The following SUZ12 variants were observed in gnomAD, a reference collection of about 807,000 sequenced individuals.
SUZ12 encodes SUZ12 polycomb repressive complex 2 subunit, also known as polycomb protein SUZ12.
Under a neutral mutation model 87.3 loss-of-function variants are expected in SUZ12, and 17 were observed. The ratio of observed to expected loss-of-function variants is 0.19; its 90% confidence interval spans 0.13 to 0.29. SUZ12 has a LOEUF of 0.29. Ranked by LOEUF, SUZ12 falls within the 10% of genes least tolerant of loss-of-function variation. SUZ12 has a pLI of 1.00. For missense variants in SUZ12, 526 were observed against 912.2 expected, an observed-to-expected ratio of 0.58 and a Z score of 5.45; for synonymous variants, 253 against 312.4, an observed-to-expected ratio of 0.81 and a Z score of 2.01.
intron 8 of SUZ12, among the ~76,000 whole-genome samples, 179 bp from the exon 9 acceptor site, chr17:31,982,820 A>G (rs1162776476): frequency 6.6e-6 from 1 of 152,232 alleles, no homozygotes; most frequent in Non-Finnish European, 1.5e-5. Flanking sequence ...TTTTTAGTGT[A>G]CATCATTAAA....
At chr17:31,968,005 T>A (rs1305408968) in intron 5 of SUZ12, among the ~76,000 whole-genome samples, 1 of 152,026 alleles carries the variant, frequency 6.6e-6, no homozygotes, top group Non-Finnish European at 1.5e-5. Flanking sequence ...AAAAAAAGAT[T>A]AACTGGGCAC....
chr17:31,949,234 A>G (rs187439025), intron 4 of SUZ12, among the ~76,000 whole-genome samples: 201 of 152,270 alleles, frequency 1.3e-3, no homozygotes, highest in Middle Eastern at 3.4e-3. Flanking sequence ...ATACTGTTCA[A>G]TTCTCTCTGA....
intron 5 of SUZ12, among the ~76,000 whole-genome samples, chr17:31,971,298 A>G (rs953511022): frequency 2.6e-5 from 4 of 152,186 alleles, no homozygotes; most frequent in Non-Finnish European, 4.4e-5. Flanking sequence ...CTGTGCATTC[A>G]TAATGAAACA....
chr17:31,940,126 A>C (rs1433222722), intron 1 of SUZ12, among the ~76,000 whole-genome samples, 160 bp from the exon 2 acceptor site: 4 of 152,026 alleles, frequency 2.6e-5, no homozygotes, highest in African/African-American at 4.8e-5. Flanking sequence ...TTTTGATCTT[A>C]CTGTGCATAC....
chr17:31,941,013 G>GAA (rs796817018), intron 3 of SUZ12, among the ~76,000 whole-genome samples: 1 of 144,006 alleles, frequency 6.9e-6, no homozygotes, highest in African/African-American at 2.5e-5. Flanking sequence ...CTACCTCAAA[G>GAA]AAAAAAAAAA....
At chr17:31,939,824 C>A (rs1247876193) in intron 1 of SUZ12, among the ~76,000 whole-genome samples, 1 of 152,136 alleles carries the variant, frequency 6.6e-6, no homozygotes, top group Non-Finnish European at 1.5e-5. Context: ...CTGCGCCTGG[C>A]CGGCTGACTA....
intron 6 of SUZ12, among the ~76,000 whole-genome samples, chr17:31,973,742 C>A (rs1908574884): frequency 6.6e-6 from 1 of 152,098 alleles, no homozygotes; most frequent in Non-Finnish European, 1.5e-5. Context: ...TCCTGGTCAA[C>A]CGATCAAAGC....
Position 31,999,431 on chromosome 17 carries a change from C to G in SUZ12, c.*428C>G. The G allele has an allele frequency of 4.3e-6, 1 of 231,844 alleles. No individual in the cohort carries two copies. The highest frequency in any genetic ancestry group is 6.2e-5 in the East Asian group (1 of 16,238). 14.4% of individuals were successfully genotyped at this position (231,844 alleles called of 1,614,324 possible). A position where few individuals can be genotyped will look rare whatever the true frequency, so the allele number is the denominator to read the frequency against. On this transcript the variant is annotated 3_prime_UTR_variant, in exon 16 of 16. Coordinates refer to ENST00000322652, the MANE Select transcript of SUZ12 (RefSeq NM_015355.4). ...CTTTTTTAGAAATTGAAGTGGTCTT[C>G]ATATGTCAACTACAGAAAAGGAAAA...
At chr17:31,971,820 A>G (rs1908448684) in intron 5 of SUZ12, among the ~76,000 whole-genome samples, 1 of 152,150 alleles carries the variant, frequency 6.6e-6, no homozygotes, top group South Asian at 2.1e-4. Flanking sequence ...ATTATCATAA[A>G]TGTTAAATCT....
chr17:31,981,954 G>A lies in SUZ12; in HGVS notation c.918-1045G>A, dbSNP rs139604877. ...AAATGTCAGCTGTTTTTACCTAATA[G>A]AATTTCTCTAAGAGTGATGAAGAGA... On this transcript the variant is annotated intron_variant, in intron 8 of 15. Transcript: ENST00000322652. 2.6e-5 allele frequency among the ~76,000 whole-genome samples: 4 copies of A among 152,244 alleles called. No individual in the cohort carries two copies. The East Asian group carries it at 7.7e-4, about 29-fold the overall frequency.
intron 6 of SUZ12, among the ~76,000 whole-genome samples, chr17:31,974,900 A>G (rs1908653576): frequency 6.6e-6 from 1 of 152,168 alleles, no homozygotes; most frequent in Non-Finnish European, 1.5e-5. Flanking sequence ...ATTACTCAGA[A>G]TATGATCATT....
In SUZ12 at chr17:31,947,691, A is replaced by G; in HGVS notation, c.455+6A>G. On this transcript the variant is annotated splice_donor_region_variant and intron_variant, in intron 4 of 15. Transcript: ENST00000322652. ...GGAGAGCAAGAATCTCATAGGTAAG[A>G]TAATCTATCAGTTTACATTAAGTGA... 1 of 1,607,090 alleles carries G rather than the reference A, an allele frequency of 6.2e-7. No individual in the cohort carries two copies. Among genetic ancestry groups the G allele is most frequent in the Non-Finnish European group, 8.5e-7 (1 of 1,175,982 alleles).
chr17:31,993,114 CAG>C (rs1156878817), intron 10 of SUZ12, 126 bp from the exon 11 acceptor site: 3 of 596,596 alleles, frequency 5.0e-6, no homozygotes, highest in Non-Finnish European at 8.5e-6. Context: ...AGGGAGATAA[CAG>C]AAATATATTT....
intron 14 of SUZ12, 69 bp from the exon 15 acceptor site, chr17:31,996,729 G>T: frequency 9.0e-7 from 1 of 1,109,760 alleles, no homozygotes; most frequent in Non-Finnish European, 1.3e-6. Context: ...AAAACATTCT[G>T]TTTTTGACAT....
intron 3 of SUZ12, among the ~76,000 whole-genome samples, chr17:31,941,993 C>T (rs57539446): frequency 0.16 from 23,649 of 151,922 alleles, 2,054 homozygotes; most frequent in African/African-American, 0.22. Flanking sequence ...GCTGGAATTA[C>T]AGGCTCCCGC....
Position 31,988,508 on chromosome 17 carries a change from A to G in SUZ12, c.1201+11A>G. On this transcript the variant is annotated intron_variant, in intron 10 of 15. Coordinates refer to ENST00000322652, the MANE Select transcript of SUZ12 (RefSeq NM_015355.4). ...CTACTCAAACTATTGGTAAGAAAAC[A>G]TTGCAATCAAAATAATAAAATAATG... 1 of 1,583,548 alleles carries G rather than the reference A, an allele frequency of 6.3e-7. No homozygotes were observed. The highest frequency in any genetic ancestry group is 8.5e-7 in the Non-Finnish European group (1 of 1,169,896).
chr17:31,975,782 GTTCCT>G (rs1420831270), intron 7 of SUZ12, 69 bp downstream of exon 7: 1 of 1,248,840 alleles, frequency 8.0e-7, no homozygotes, highest in Non-Finnish European at 1.1e-6. Context: ...TTGTACCAGT[GTTCCT>G]TCATGATAGT....
chr17:31,998,798 T>C lies in SUZ12; in HGVS notation c.2015T>C (p.Met672Thr), dbSNP rs1467567928. Reference protein sequence around the residue: ...SMHDFNLISIMSIDKAVTKLR... With the variant: ...SMHDFNLISITSIDKAVTKLR... ...CATGACTTTAATCTTATTAGCATAA[T>C]GTCAATAGATAAAGCTGTTACCAAG... The change falls in exon 16 of 16, where the codon ATG (methionine) becomes ACG (threonine). Residue 672 changes from methionine (M) to threonine (T), a missense_variant. Physicochemically the swap from Met to Thr is moderately conservative, Grantham distance 81. Coordinates refer to ENST00000322652, the MANE Select transcript of SUZ12 (RefSeq NM_015355.4). 1 of 1,613,422 alleles carries C rather than the reference T, an allele frequency of 6.2e-7. No individual in the cohort carries two copies. The highest frequency in any genetic ancestry group is 1.7e-5 in the Admixed American group (1 of 59,940).
At chr17:31,972,823 TTGTGATTGCAGTGAGC>T (rs1908520207) in intron 5 of SUZ12, among the ~76,000 whole-genome samples, 1 of 150,118 alleles carries the variant, frequency 6.7e-6, no homozygotes, top group African/African-American at 2.5e-5. Context: ...TCCCAGGAGC[TTGTGATTGCAGTGAGC>T]TGTGATTGTG....
Sources: allele counts gnomAD v4.1 joint callset (sites outside exome capture counted in the v4.1 genomes callset), GRCh38; gene constraint gnomAD v4.1.1; transcripts MANE v1.5; gene names NCBI Gene and HGNC (gene_info 2026-07-23, HGNC 2026-07-21).